The following PPP1R9B variants were observed in gnomAD, a reference collection of about 807,000 sequenced individuals.
The protein encoded by PPP1R9B is protein phosphatase 1 regulatory subunit 9B.
Under a neutral mutation model 75.8 loss-of-function variants are expected in PPP1R9B, and 17 were observed. That is an observed-to-expected ratio of 0.22 (90% CI 0.15 to 0.34). The LOEUF (loss-of-function observed/expected upper bound fraction) is 0.34, where lower values mean the gene tolerates loss of function less well. PPP1R9B is among the 10% of genes least tolerant of loss of function. The pLI is 1.00. For missense variants in PPP1R9B, 875 were observed against 1,196.0 expected (o/e 0.73, Z 3.96); for synonymous variants, 509 against 535.4 (o/e 0.95, Z 0.68).
At chr17:50,135,423 C>G (rs1022272637) in intron 9 of PPP1R9B, 39 bp from the exon 10 acceptor site, 1 of 1,605,922 alleles carries the variant, frequency 6.2e-7, no homozygotes, top group African/African-American at 1.3e-5. Context: ...GGTCTGGACA[C>G]CAGGCATGAT....
intron 7 of PPP1R9B, among the ~76,000 whole-genome samples, chr17:50,138,831 C>T (rs1912296642): frequency 6.6e-6 from 1 of 152,160 alleles, no homozygotes; most frequent in Non-Finnish European, 1.5e-5. Context: ...CGCCATGTTG[C>T]CCAGGCTGGT....
chr17:50,147,386 G>A (rs1912542859), intron 1 of PPP1R9B, among the ~76,000 whole-genome samples: 1 of 152,228 alleles, frequency 6.6e-6, no homozygotes, highest in Non-Finnish European at 1.5e-5. Flanking sequence ...GGCAGGGGCA[G>A]GAAGAAGAAA....
chr17:50,145,628 G>A (rs902576140), intron 1 of PPP1R9B, among the ~76,000 whole-genome samples: 2 of 152,128 alleles, frequency 1.3e-5, no homozygotes, highest in African/African-American at 2.4e-5. Flanking sequence ...GGCGAGAGGG[G>A]ACACAAAGAC....
chr17:50,145,759 AGAG>A (rs1912501141), intron 1 of PPP1R9B, among the ~76,000 whole-genome samples: 1 of 151,686 alleles, frequency 6.6e-6, no homozygotes, highest in African/African-American at 2.4e-5. Context: ...GTGAGACAGA[AGAG>A]GAGGAGGGGA....
At position 50,139,331 on chromosome 17, in the gene PPP1R9B, G is replaced by A. The variant is rs114920556; in HGVS notation, c.2020-15C>T. ...TTGATCTGGAGCTGTTGGGCAGAGG[G>A]GCAGGCACTCAGCTCCAGCAGGGTG... is the stretch of plus-strand genomic sequence containing the variant. On this transcript the variant is annotated splice_polypyrimidine_tract_variant and intron_variant, in intron 6 of 9. Coordinates refer to ENST00000612501, the MANE Select transcript of PPP1R9B (RefSeq NM_032595.5). This position sits in a 1 kb window ranked among gnomAD's most constrained non-coding sequence, Gnocchi z 5.0. 4.6e-4 allele frequency: 741 copies of A among 1,614,010 alleles called. 3 individuals are homozygous for A. In the African/African-American group the frequency reaches 9.4e-3, roughly 20 times the overall value.
In PPP1R9B at chr17:50,150,211, C is replaced by T. The variant is rs1163199865; in HGVS notation, c.303G>A (p.Leu101=). Residue 101 remains leucine, a synonymous_variant, in exon 1 of 10, where the codon CTG becomes CTA. Transcript: ENST00000612501. This position sits in a 1 kb window ranked among gnomAD's most constrained non-coding sequence, Gnocchi z 8.7. Reference sequence around the variant, plus strand: ...GGGCGCTGTGGTCCACGTTCTCGTTCAGGCTGCTGGCCCGCGGCAGCGACA... The same window carrying T: ...GGGCGCTGTGGTCCACGTTCTCGTTTAGGCTGCTGGCCCGCGGCAGCGACA... ...VRLSLPRASS[L]NENVDHSALL... is the part of the protein sequence containing the mutation. 4 of 1,457,744 alleles carry T rather than the reference C, an allele frequency of 2.7e-6. No homozygotes were observed. In the African/African-American group the frequency reaches 4.4e-5, roughly 16 times the overall value. 90.3% of individuals were successfully genotyped at this position (1,457,744 alleles called of 1,614,324 possible).
At chr17:50,140,031 T>C in intron 5 of PPP1R9B, 62 bp downstream of exon 5, 3 of 1,573,696 alleles carry the variant, frequency 1.9e-6, no homozygotes, top group Non-Finnish European at 2.6e-6. Flanking sequence ...GGCAGATGAC[T>C]GTAATGCTTC....
rs371637650 is a variant in PPP1R9B at position 50,143,579 on chromosome 17, G to A, written c.1625+19C>T. 3 of 1,613,782 alleles carry A rather than the reference G, an allele frequency of 1.9e-6. No homozygotes were observed. Among genetic ancestry groups the A allele is most frequent in the Non-Finnish European group, 1.7e-6 (2 of 1,179,822 alleles). On this transcript the variant is annotated intron_variant, in intron 3 of 9. Coordinates refer to ENST00000612501, the MANE Select transcript of PPP1R9B (RefSeq NM_032595.5). ...CGGAGAGGGAAAAAGGGTCAGGCGA[G>A]ACTGGGGAGGATTGGTACCTGCCAT...
At chr17:50,136,253 ACCCCC>A (rs1912227140) in intron 7 of PPP1R9B, 56 bp from the exon 8 acceptor site, 1 of 1,479,036 alleles carries the variant, frequency 6.8e-7, no homozygotes, top group Non-Finnish European at 9.2e-7. Flanking sequence ...GCCAAAGGGT[ACCCCC>A]ATCCTAGCAC....
rs764132187 is a variant in PPP1R9B at position 50,139,953 on chromosome 17, C to T, written c.1866+140G>A. Reference sequence around the variant, plus strand: ...GTATTCCTTGTCCGGCCTCTGAAGACAAAGAGTGTGACTGGAGGACAGGGA... The same window carrying T: ...GTATTCCTTGTCCGGCCTCTGAAGATAAAGAGTGTGACTGGAGGACAGGGA... On this transcript the variant is annotated intron_variant, in intron 5 of 9. Coordinates refer to ENST00000612501, the MANE Select transcript of PPP1R9B (RefSeq NM_032595.5). The surrounding 1 kb of genome is among the most constrained non-coding windows in gnomAD (Gnocchi z 5.0). 1.1e-4 allele frequency: 106 copies of T among 961,752 alleles called. No homozygotes were observed. The highest frequency in any genetic ancestry group is 1.5e-4 in the Non-Finnish European group (100 of 660,728). 59.6% of individuals were successfully genotyped at this position (961,752 alleles called of 1,614,324 possible).
chr17:50,135,938 G>GC, intron 8 of PPP1R9B, 30 bp downstream of exon 8: 1 of 1,419,246 alleles, frequency 7.0e-7, no homozygotes, highest in Non-Finnish European at 9.7e-7. Flanking sequence ...TGCTCCCTGG[G>GC]CCCAGCCCGC....
rs1555565553 is a variant in PPP1R9B, at chr17:50,149,081, C to CT, written c.1371+61_1371+62insA. The CT allele has an allele frequency of 2.7e-6, 3 of 1,104,208 alleles. No individual in the cohort carries two copies. Among genetic ancestry groups the CT allele is most frequent in the African/African-American group, 4.7e-5 (1 of 21,458 alleles). The allele number at this position is 1,104,208 out of a possible 1,614,324, so 68.4% of individuals were successfully genotyped here. On this transcript the variant is annotated intron_variant, in intron 1 of 9. Transcript: ENST00000612501. This position sits in a 1 kb window ranked among gnomAD's most constrained non-coding sequence, Gnocchi z 7.2. ...CAAACCCGGCTGGCTGGCTGGCGAG[C>CT]GGGGGCGGCCGCGTGCACGTGGCAG...
chr17:50,138,099 T>C (rs1190505847), intron 7 of PPP1R9B, among the ~76,000 whole-genome samples: 1 of 152,170 alleles, frequency 6.6e-6, no homozygotes, highest in Non-Finnish European at 1.5e-5. Flanking sequence ...TATATCTGCA[T>C]GCCTGTGAGG....
At position 50,145,155 on chromosome 17, in the gene PPP1R9B, G is replaced by A; in HGVS notation, c.1462C>T (p.Arg488Cys). ...GGGAACAGCTCCAACCTCTCCACAC[G>A]CTTCTCCAGCTCGTACTCAGCAGAG... ...AASAEYELEK[R>C]VERLELFPVE... is the part of the protein sequence containing the mutation. Residue 488 changes from arginine (R) to cysteine (C), a missense_variant, in exon 2 of 10, where the codon CGT (arginine) becomes TGT (cysteine). Arg to Cys is a radical substitution (Grantham distance 180). Around this residue, in one of 4 missense-constraint regions of PPP1R9B, gnomAD observed 63 missense variants for 160.2 expected, o/e 0.39. Transcript: ENST00000612501. The A allele has an allele frequency of 1.2e-6, 2 of 1,613,958 alleles. No individual in the cohort carries two copies. Among genetic ancestry groups the A allele is most frequent in the Non-Finnish European group, 8.5e-7 (1 of 1,179,886 alleles).
In PPP1R9B at chr17:50,149,859, C is replaced by A; in HGVS notation, c.655G>T (p.Asp219Tyr). ...SQLSAVFEKA[D>Y]SRTGLHRGPG... ...CCGCGGTGGAGGCCGGTCCTCGAGTCGGCCTTCTCGAAGACGGCGCTGAGC... is the reference window on the plus strand; with the variant it reads ...CCGCGGTGGAGGCCGGTCCTCGAGTAGGCCTTCTCGAAGACGGCGCTGAGC... Residue 219 changes from aspartate to tyrosine, a missense_variant, in exon 1 of 10, where the codon GAC becomes TAC. Physicochemically the swap from Asp to Tyr is radical, Grantham distance 160. This residue lies in a region of PPP1R9B where 449 missense variants were observed against 475.0 expected (regional missense o/e 0.95). Transcript: ENST00000612501. This position sits in a 1 kb window ranked among gnomAD's most constrained non-coding sequence, Gnocchi z 7.2. The A allele has an allele frequency of 1.3e-6, 2 of 1,489,752 alleles. No individual in the cohort carries two copies. Among genetic ancestry groups the A allele is most frequent in the Non-Finnish European group, 1.8e-6 (2 of 1,125,796 alleles). The allele number at this position is 1,489,752 out of a possible 1,614,324, so 92.3% of individuals were successfully genotyped here.
At position 50,150,338 on chromosome 17, in the gene PPP1R9B, C is replaced by G; in HGVS notation, c.176G>C (p.Ser59Thr). ...KYGSNVHRIK[S>T]MFLQMGTTAG... ...CGTCGTGCCCATCTGCAGGAACATA[C>G]TTTTGATGCGGTGGACGTTGGAGCC... is the stretch of plus-strand genomic sequence containing the variant. The change falls in exon 1 of 10, where the codon AGT becomes ACT. Residue 59 changes from serine to threonine, a missense_variant. This residue lies in a region of PPP1R9B where 145 missense variants were observed against 226.1 expected (regional missense o/e 0.64). Transcript: ENST00000612501. The surrounding 1 kb of genome is among the most constrained non-coding windows in gnomAD (Gnocchi z 8.7). 7.0e-7 allele frequency: 1 copy of G among 1,432,826 alleles called. No individual in the cohort carries two copies. The highest frequency in any genetic ancestry group is 9.2e-7 in the Non-Finnish European group (1 of 1,090,058). 88.8% of individuals were successfully genotyped at this position (1,432,826 alleles called of 1,614,324 possible). A position where few individuals can be genotyped will look rare whatever the true frequency, so the allele number is the denominator to read the frequency against.
chr17:50,138,472 TGGGGCCAGGCTGCTGTGTCA>T (rs1165623237), intron 7 of PPP1R9B, among the ~76,000 whole-genome samples: 7 of 151,880 alleles, frequency 4.6e-5, no homozygotes, highest in African/African-American at 1.7e-4. Context: ...ACTATGTGCC[TGGGGCCAGGCTGCTGTGTCA>T]GTGTGTGTAC....
intron 8 of PPP1R9B, 139 bp from the exon 9 acceptor site, chr17:50,135,788 G>A: frequency 1.1e-6 from 1 of 899,210 alleles, no homozygotes; most frequent in Admixed American, 2.5e-5. Flanking sequence ...TTTTCCCAAA[G>A]CCTCTGGGGG....
chr17:50,140,191 C>T lies in PPP1R9B; in HGVS notation c.1768G>A (p.Glu590Lys), dbSNP rs770323872. ...GTCTGCTGAATTAGCTGGGCCACTT[C>T]GCTCTGCTCTCCCGGCCGCTCCCGG... ...IGRERPGEQS[E>K]VAQLIQQTLE... The change falls in exon 5 of 10, where the codon GAA (glutamate) becomes AAA (lysine). Residue 590 changes from glutamate (E) to lysine (K), a missense_variant. By Grantham distance (56) the Glu-to-Lys change is moderately conservative. This residue lies in a region of PPP1R9B where 218 missense variants were observed against 334.6 expected (regional missense o/e 0.65). Transcript: ENST00000612501. The T allele has an allele frequency of 1.2e-6, 2 of 1,608,312 alleles. No individual in the cohort carries two copies. Among genetic ancestry groups the T allele is most frequent in the Non-Finnish European group, 1.7e-6 (2 of 1,177,460 alleles).
Sources: gnomAD v4.1 joint callset for allele counts (sites outside exome capture counted in the v4.1 genomes callset) on GRCh38, gnomAD v4.1.1 for gene constraint, gnomAD v4.1.1 regional missense constraint, Gnocchi (gnomAD v3.1) non-coding constraint, MANE v1.5 for transcripts, NCBI Gene and HGNC (gene_info 2026-07-23, HGNC 2026-07-21) for gene names.